Variants in ASTN2 observed in about 807,000 individuals in gnomAD.
The protein encoded by ASTN2 is astrotactin-2.
ASTN2 carries 54 observed loss-of-function variants against 139.8 expected under a neutral mutation model. The observed-to-expected ratio is 0.39, with a 90% confidence interval of 0.31 to 0.48. ASTN2 has a LOEUF of 0.48. Among genes scored for constraint, ASTN2 ranks in the 20% least tolerant of loss-of-function variants. The pLI is 0.95. For synonymous variants in ASTN2, 756 were observed against 719.5 expected (o/e 1.05, Z -0.81); for missense variants, 1,565 against 1,725.1 (o/e 0.91, Z 1.64).
At chr9:117,130,435 C>A (rs1230644966) in intron 4 of ASTN2, among the ~76,000 whole-genome samples, 3 of 152,138 alleles carry the variant, frequency 2.0e-5, no homozygotes, top group Non-Finnish European at 4.4e-5. Flanking sequence ...CTTGCTCAGG[C>A]TTTCTCTCTA....
rs371534958 is a variant in ASTN2, at chr9:116,643,337, A to G, written c.3072+8191T>C. Among the ~76,000 whole-genome samples the G allele has an allele frequency of 4.6e-5, 7 of 152,312 alleles. No individual in the cohort carries two copies. The East Asian group carries it at 5.8e-4, about 13-fold the overall frequency. On this transcript the variant is annotated intron_variant, in intron 17 of 22. Coordinates refer to ENST00000313400, the MANE Select transcript of ASTN2 (RefSeq NM_001365068.1). ...GTTTGGCAAACCTTTCCTGTAAAGG[A>G]CTAGAAAGTAAACACTTTGAGCTTT...
chr9:116,652,807 A>G (rs1014326812), intron 16 of ASTN2, among the ~76,000 whole-genome samples: 1 of 151,966 alleles, frequency 6.6e-6, no homozygotes, highest in Non-Finnish European at 1.5e-5. Flanking sequence ...CTCTTTCTTC[A>G]TGTGCACACT....
At chr9:117,299,219 C>T (rs1410282213) in intron 1 of ASTN2, among the ~76,000 whole-genome samples, 2 of 152,174 alleles carry the variant, frequency 1.3e-5, no homozygotes, top group Non-Finnish European at 2.9e-5. Flanking sequence ...ATCATATTCT[C>T]ATTCACTTTT....
At chr9:116,686,114 A>G (rs950634582) in intron 16 of ASTN2, among the ~76,000 whole-genome samples, 3 of 152,220 alleles carry the variant, frequency 2.0e-5, no homozygotes, top group African/African-American at 7.2e-5. Context: ...ATCTTGGCTT[A>G]TCTTCATGGC....
At chr9:116,574,256 T>C (rs1315216071) in intron 19 of ASTN2, among the ~76,000 whole-genome samples, 1 of 152,196 alleles carries the variant, frequency 6.6e-6, no homozygotes, top group Non-Finnish European at 1.5e-5. Context: ...CCAATAAAAC[T>C]TTATCTACAA....
At chr9:117,329,180 C>CTT (rs749880987) in intron 1 of ASTN2, among the ~76,000 whole-genome samples, 7,098 of 82,542 alleles carry the variant, frequency 0.086, 236 homozygotes, top group Non-Finnish European at 0.11. Flanking sequence ...CTTCCAAGTT[C>CTT]TTTTTTTTTT....
chr9:116,510,816 T>C (rs568753151), intron 19 of ASTN2, among the ~76,000 whole-genome samples: 3 of 152,282 alleles, frequency 2.0e-5, no homozygotes, highest in Non-Finnish European at 4.4e-5. Flanking sequence ...CTGTTATTGG[T>C]GTATAAGAAT....
At chr9:117,229,037 A>C (rs1225018144) in intron 2 of ASTN2, among the ~76,000 whole-genome samples, 2 of 151,966 alleles carry the variant, frequency 1.3e-5, no homozygotes, top group African/African-American at 2.4e-5. Flanking sequence ...AACAAAAAAA[A>C]CCATGAAGTT....
At chr9:117,265,088 TAGA>T (rs1158101223) in intron 2 of ASTN2, among the ~76,000 whole-genome samples, 1 of 152,184 alleles carries the variant, frequency 6.6e-6, no homozygotes, top group Admixed American at 6.5e-5. Flanking sequence ...AAAGGGGCCA[TAGA>T]AGAAGTCTAT....
chr9:116,511,298 A>G (rs1188282080), intron 19 of ASTN2, among the ~76,000 whole-genome samples: 2 of 152,086 alleles, frequency 1.3e-5, no homozygotes, highest in African/African-American at 4.8e-5. Context: ...TATATGCTGG[A>G]TTATGTTTAT....
intron 20 of ASTN2, among the ~76,000 whole-genome samples, chr9:116,452,860 G>T (rs999798977): frequency 6.6e-6 from 1 of 152,200 alleles, no homozygotes; most frequent in African/African-American, 2.4e-5. Flanking sequence ...ACAAGGAAGA[G>T]ATCTTACAAC....
chr9:117,367,962 C>CCA (rs1370083867), intron 1 of ASTN2, among the ~76,000 whole-genome samples: 3 of 152,036 alleles, frequency 2.0e-5, no homozygotes, highest in African/African-American at 7.2e-5. Context: ...GGAGTATGTG[C>CCA]TCTTTTCACA....
chr9:116,834,917 T>C (rs10114839), intron 11 of ASTN2, among the ~76,000 whole-genome samples: 36,012 of 151,974 alleles, frequency 0.24, 4,907 homozygotes, highest in East Asian at 0.5. Flanking sequence ...AGTATTGTGG[T>C]AAGTGCCTGT....
chr9:117,045,252 A>T (rs1361594201), intron 5 of ASTN2, among the ~76,000 whole-genome samples: 6 of 55,302 alleles, frequency 1.1e-4, no homozygotes, highest in African/African-American at 2.6e-4. Flanking sequence ...ATCCCATGTA[A>T]TTAGCAAAAA....
At chr9:117,037,444 T>C (rs1190580415) in intron 6 of ASTN2, among the ~76,000 whole-genome samples, 2 of 152,146 alleles carry the variant, frequency 1.3e-5, no homozygotes, top group African/African-American at 4.8e-5. Flanking sequence ...TCCTATGAGG[T>C]AGGTACTACT....
chr9:117,398,026 C>A (rs1247052746), intron 1 of ASTN2, among the ~76,000 whole-genome samples: 1 of 152,118 alleles, frequency 6.6e-6, no homozygotes, highest in Non-Finnish European at 1.5e-5. Flanking sequence ...TCATATGTAT[C>A]TGCATGTATG....
chr9:116,791,012 AAAGAAAGAAAGAAAGAAAGAAAGAAAG>A (rs1372799006), intron 13 of ASTN2, among the ~76,000 whole-genome samples: 28 of 127,624 alleles, frequency 2.2e-4, no homozygotes, highest in South Asian at 5.7e-4. Flanking sequence ...AGAAAGAAAG[AAAGAAAGAAAGAAAGAAAGAAAGAAAG>A]AAAGAAAAGA....
At chr9:116,939,763 G>C (rs961631993) in intron 10 of ASTN2, among the ~76,000 whole-genome samples, 9 of 151,988 alleles carry the variant, frequency 5.9e-5, no homozygotes, top group Admixed American at 2.0e-4. Flanking sequence ...ACAGTGAAGG[G>C]AAGCAGTCAG....
At chr9:117,055,905 T>C (rs1839047354) in intron 5 of ASTN2, among the ~76,000 whole-genome samples, 1 of 152,254 alleles carries the variant, frequency 6.6e-6, no homozygotes, top group Non-Finnish European at 1.5e-5. Flanking sequence ...GGTTAGGTTA[T>C]GAAAGACTGA....
Sources: allele counts gnomAD v4.1 joint callset (sites outside exome capture counted in the v4.1 genomes callset), GRCh38; gene constraint gnomAD v4.1.1; transcripts MANE v1.5; gene names NCBI Gene and HGNC (gene_info 2026-07-23, HGNC 2026-07-21).